Variants in BICRA observed in about 807,000 individuals in gnomAD.
BICRA encodes BRD4 interacting chromatin remodeling complex associated protein.
A neutral mutation model predicts 96.9 loss-of-function variants in BICRA; 31 were observed. The ratio of observed to expected loss-of-function variants is 0.32; its 90% CI spans 0.24 to 0.43. The LOEUF is 0.43. BICRA is among the 20% of genes least tolerant of loss of function. BICRA has a pLI of 1.00. For synonymous variants in BICRA, 1,350 were observed against 1,071.8 expected (o/e 1.26, Z -5.07); for missense variants, 2,283 against 2,190.3 (o/e 1.04, Z -0.84).
chr19:47,702,277 C>T lies in BICRA; in HGVS notation c.4545C>T (p.Pro1515=), dbSNP rs1599876359. The T allele has an allele frequency of 3.1e-6, 5 of 1,595,408 alleles. No homozygotes were observed. The highest frequency in any genetic ancestry group is 4.2e-6 in the Non-Finnish European group (5 of 1,176,766). The change falls in exon 15 of 15, where the codon CCC becomes CCT. Residue 1515 remains proline (P), a synonymous_variant. Transcript: ENST00000594866. Reference sequence around the variant, plus strand: ...GCATCCTGAACCTGCAGCAGGCCCCCGGCCGGACGCCCGCGCCCTCGTACC... The same window carrying T: ...GCATCCTGAACCTGCAGCAGGCCCCTGGCCGGACGCCCGCGCCCTCGTACC... ...IDSILNLQQA[P]GRTPAPSYPH...
chr19:47,629,830 G>A (rs1972194884), intron 1 of BICRA, among the ~76,000 whole-genome samples: 1 of 152,016 alleles, frequency 6.6e-6, no homozygotes, highest in Non-Finnish European at 1.5e-5. Flanking sequence ...GCTAATTTTT[G>A]TATTTTTAAT....
Position 47,698,174 on chromosome 19 carries a change from GACAAA to G in BICRA, c.3249-457_3249-453del, listed in dbSNP as rs760871128. 8.8e-4 allele frequency among the ~76,000 whole-genome samples: 134 copies of G among 152,302 alleles called. No individual in the cohort carries two copies. Among genetic ancestry groups the G allele is most frequent in the Middle Eastern group, 6.8e-3 (2 of 294 alleles). On this transcript the variant is annotated intron_variant, in intron 11 of 14. Coordinates refer to ENST00000594866, the MANE Select transcript of BICRA (RefSeq NM_001394372.1). The surrounding 1 kb of genome is among the most constrained non-coding windows in gnomAD (Gnocchi z 4.8). The stretch of plus-strand genomic sequence containing the variant: ...GGGGGAGACAGTCACACTGCCAACA[GACAAA>G]ACCCATTGTAACATGGGCTACAAAA...
rs575060402 is a variant in BICRA, at chr19:47,668,739, G to A, written c.-107-1704G>A. Among the ~76,000 whole-genome samples the A allele has an allele frequency of 1.2e-3, 176 of 152,134 alleles. 1 individual carries two copies. The Middle Eastern group carries it at 0.014, about 12-fold the overall frequency. On this transcript the variant is annotated intron_variant, in intron 1 of 14. Transcript: ENST00000594866. ...ACTCCTGGCCTCAAGTGATTTGCCC[G>A]CCTCAGCATCCCAAAGTGCCAGGAT...
intron 1 of BICRA, among the ~76,000 whole-genome samples, chr19:47,636,907 C>G (rs887984677): frequency 1.3e-5 from 2 of 152,134 alleles, no homozygotes; most frequent in Non-Finnish European, 2.9e-5. Flanking sequence ...GCCACACCAA[C>G]CTCTTCCTTC....
intron 1 of BICRA, among the ~76,000 whole-genome samples, chr19:47,620,853 C>T (rs1368452586): frequency 6.6e-6 from 1 of 151,946 alleles, no homozygotes; most frequent in Non-Finnish European, 1.5e-5. Flanking sequence ...GCACAGGTAG[C>T]CCAGCCCTAA....
At chr19:47,689,538 A>C (rs1973209549) in intron 7 of BICRA, among the ~76,000 whole-genome samples, 1 of 152,078 alleles carries the variant, frequency 6.6e-6, no homozygotes, top group African/African-American at 2.4e-5. Flanking sequence ...CAGCCTCCGG[A>C]GTAGCTGGGA....
intron 1 of BICRA, among the ~76,000 whole-genome samples, chr19:47,631,972 A>G (rs906020670): frequency 2.6e-5 from 4 of 152,104 alleles, no homozygotes; most frequent in African/African-American, 9.7e-5. Context: ...TTTAAATGGA[A>G]TATTTTAGTG....
At chr19:47,609,376 CTTTTTTTTTTTT>C (rs774981061) in intron 1 of BICRA, among the ~76,000 whole-genome samples, 1 of 27,612 alleles carries the variant, frequency 3.6e-5, no homozygotes, top group African/African-American at 1.7e-4. Context: ...CCGCTGCCTC[CTTTTTTTTTTTT>C]TTTTTTTTTT....
In BICRA at chr19:47,701,969, A is replaced by C. The variant is rs1007989893; in HGVS notation, c.4237A>C (p.Ser1413Arg). ...GTPAGRARGG[S>R]PAPLPAKVDE... ...GCCCGCAGGCAGGGCACGGGGAGGC[A>C]GCCCGGCGCCGCTGCCCGCCAAAGT... The change falls in exon 15 of 15, where the codon AGC (serine) becomes CGC (arginine). Residue 1413 changes from serine (S) to arginine (R), a missense_variant. By Grantham distance (110) the Ser-to-Arg change is moderately radical. Transcript: ENST00000594866. The surrounding 1 kb of genome is among the most constrained non-coding windows in gnomAD (Gnocchi z 5.4). The C allele has an allele frequency of 2.7e-5, 39 of 1,460,734 alleles. No individual in the cohort carries two copies. Among genetic ancestry groups the C allele is most frequent in the Non-Finnish European group, 3.4e-5 (38 of 1,116,756 alleles). 90.5% of individuals were successfully genotyped at this position (1,460,734 alleles called of 1,614,324 possible). A position where few individuals can be genotyped will look rare whatever the true frequency, so the allele number is the denominator to read the frequency against.
Position 47,701,761 on chromosome 19 carries a change from C to A in BICRA, c.4029C>A (p.Ala1343=). The A allele has an allele frequency of 6.5e-7, 1 of 1,538,182 alleles. No individual in the cohort carries two copies. Among genetic ancestry groups the A allele is most frequent in the South Asian group, 1.2e-5 (1 of 83,814 alleles). ...PPPPPATLKV[A]EPPPRPPPPP... is the part of the protein sequence containing the mutation. ...CACCCCCCGCTACCCTCAAGGTGGC[C>A]GAGCCCCCGCCACGGCCGCCACCAC... is the stretch of plus-strand genomic sequence containing the variant. Residue 1343 remains alanine (A), a synonymous_variant, in exon 15 of 15, where the codon GCC becomes GCA. Transcript: ENST00000594866. This position sits in a 1 kb window ranked among gnomAD's most constrained non-coding sequence, Gnocchi z 5.4.
chr19:47,631,092 ACT>A (rs1169470030), intron 1 of BICRA, among the ~76,000 whole-genome samples: 2 of 151,654 alleles, frequency 1.3e-5, no homozygotes, highest in Non-Finnish European at 2.9e-5. Flanking sequence ...ACAGAGTCTG[ACT>A]CTTTTGCCCA....
chr19:47,701,775 GGCCGCCACCACCACC>G lies in BICRA; in HGVS notation c.4050_4064del (p.Pro1351_Pro1355del). The G allele has an allele frequency of 6.5e-7, 1 of 1,528,030 alleles. No individual in the cohort carries two copies. The highest frequency in any genetic ancestry group is 8.8e-7 in the Non-Finnish European group (1 of 1,134,468). The allele number at this position is 1,528,030 out of a possible 1,614,324, so 94.7% of individuals were successfully genotyped here. ...CTCAAGGTGGCCGAGCCCCCGCCAC[GGCCGCCACCACCACC>G]GCCGCCCACGGGCCAGATGAACGGC... is the stretch of plus-strand genomic sequence containing the variant. On this transcript the variant is annotated inframe_deletion, in exon 15 of 15. Coordinates refer to ENST00000594866, the MANE Select transcript of BICRA (RefSeq NM_001394372.1). The surrounding 1 kb of genome is among the most constrained non-coding windows in gnomAD (Gnocchi z 5.4).
At chr19:47,681,471 T>C (rs1973058651) in intron 6 of BICRA, among the ~76,000 whole-genome samples, 195 bp downstream of exon 6, 1 of 151,746 alleles carries the variant, frequency 6.6e-6, no homozygotes, top group African/African-American at 2.4e-5. Context: ...GGCAGGAAGA[T>C]GGATTGGCAG....
In BICRA at chr19:47,675,507, C is replaced by G. The variant is rs569560138; in HGVS notation, c.85-344C>G. ...ACAGGAGCTGTTGGACCACGAGTGA[C>G]CACTCCTGAAGGCTGTGCTACTGGA... On this transcript the variant is annotated intron_variant, in intron 4 of 14. Transcript: ENST00000594866. The surrounding 1 kb of genome is among the most constrained non-coding windows in gnomAD (Gnocchi z 4.7). 6.4e-4 allele frequency among the ~76,000 whole-genome samples: 98 copies of G among 152,290 alleles called. No homozygotes were observed. The highest frequency in any genetic ancestry group is 1.1e-3 in the Non-Finnish European group (78 of 68,016).
intron 1 of BICRA, among the ~76,000 whole-genome samples, chr19:47,645,987 A>G (rs748352830): frequency 7.9e-5 from 12 of 152,206 alleles, no homozygotes; most frequent in African/African-American, 2.7e-4. Flanking sequence ...AGGCCCAGCT[A>G]TACTGGAGGC....
intron 1 of BICRA, among the ~76,000 whole-genome samples, chr19:47,612,870 C>A (rs1039041600): frequency 6.6e-6 from 1 of 152,032 alleles, no homozygotes; most frequent in African/African-American, 2.4e-5. Flanking sequence ...TAAGGGACCC[C>A]TTATCCCCGC....
intron 1 of BICRA, among the ~76,000 whole-genome samples, chr19:47,629,780 C>T (rs1466979574): frequency 6.6e-6 from 1 of 152,082 alleles, no homozygotes; most frequent in African/African-American, 2.4e-5. Context: ...GCCTCAGCTT[C>T]CTGAGTAGCT....
chr19:47,611,270 A>AT (rs375816707), intron 1 of BICRA, among the ~76,000 whole-genome samples: 5,058 of 150,452 alleles, frequency 0.034, 185 homozygotes, highest in African/African-American at 0.097. Flanking sequence ...AAGCGGCCAG[A>AT]TTTTTTTTTT....
chr19:47,681,537 G>T (rs77764656), intron 6 of BICRA, among the ~76,000 whole-genome samples: 1 of 152,148 alleles, frequency 6.6e-6, no homozygotes, highest in Non-Finnish European at 1.5e-5. Context: ...AGAGGGACTG[G>T]CAGACAGACA....
Sources: allele counts gnomAD v4.1 joint callset (sites outside exome capture counted in the v4.1 genomes callset), GRCh38; gene constraint gnomAD v4.1.1; non-coding constraint Gnocchi (gnomAD v3.1); transcripts MANE v1.5; gene names NCBI Gene and HGNC (gene_info 2026-07-23, HGNC 2026-07-21).